The following PAX7 variants were observed in gnomAD, a reference collection of about 807,000 sequenced individuals.
The protein encoded by PAX7 is paired box protein Pax-7.
PAX7 carries 18 observed loss-of-function variants against 50.7 expected under a neutral mutation model. The observed-to-expected ratio is 0.36, with a 90% confidence interval of 0.25 to 0.53. The LOEUF is 0.53. Ranked by LOEUF, PAX7 falls within the 20% of genes least tolerant of loss-of-function variation. The pLI, the probability that PAX7 is intolerant of heterozygous loss-of-function variation, is 0.93. For missense variants in PAX7, 644 were observed against 702.9 expected (o/e 0.92, Z 0.95); for synonymous variants, 310 against 290.4 (o/e 1.07, Z -0.69).
chr1:18,661,187 C>G (rs763167709), intron 4 of PAX7, among the ~76,000 whole-genome samples: 17 of 152,064 alleles, frequency 1.1e-4, no homozygotes, highest in Non-Finnish European at 1.9e-4. Flanking sequence ...TCAGAGGCCC[C>G]CTTGCTTGGT....
At chr1:18,731,718 G>A (rs1450381015) in intron 7 of PAX7, among the ~76,000 whole-genome samples, 1 of 152,146 alleles carries the variant, frequency 6.6e-6, no homozygotes, top group Non-Finnish European at 1.5e-5. Flanking sequence ...GGCTCTGGGA[G>A]AGAGTAAGCA....
In PAX7 at chr1:18,703,095, T is replaced by C; in HGVS notation, c.954T>C (p.Asp318=). ...GACCTCTCTTGGGTCTCTCTACAGA[T>C]GGGGGCAGCACTGTGCACCGGCCTC... ...STYPTTTISQ[D]GGSTVHRPQP... Residue 318 remains aspartate (D), a splice_region_variant and synonymous_variant, in exon 7 of 9, where the codon GAT becomes GAC. Coordinates refer to ENST00000420770, the MANE Select transcript of PAX7 (RefSeq NM_001135254.2). 5 of 1,613,176 alleles carry C rather than the reference T, an allele frequency of 3.1e-6. No homozygotes were observed. The South Asian group carries it at 5.5e-5, about 18-fold the overall frequency.
At chr1:18,653,469 G>T (rs79044972) in intron 4 of PAX7, among the ~76,000 whole-genome samples, 1 of 152,094 alleles carries the variant, frequency 6.6e-6, no homozygotes, top group African/African-American at 2.4e-5. Context: ...TGTCGCTTTC[G>T]GTTGTTGGTG....
chr1:18,679,106 T>C (rs1240079208), intron 4 of PAX7, among the ~76,000 whole-genome samples: 1 of 152,180 alleles, frequency 6.6e-6, no homozygotes, highest in East Asian at 1.9e-4. Flanking sequence ...GAACGCTTCT[T>C]CTCTGTGGCC....
chr1:18,639,252 G>GT (rs1262677884), intron 4 of PAX7, among the ~76,000 whole-genome samples: 1 of 152,188 alleles, frequency 6.6e-6, no homozygotes, highest in Non-Finnish European at 1.5e-5. Context: ...TCCGCAATCA[G>GT]TTCTCACTCT....
At chr1:18,715,292 A>G (rs1342812121) in intron 7 of PAX7, among the ~76,000 whole-genome samples, 1 of 152,216 alleles carries the variant, frequency 6.6e-6, no homozygotes, top group African/African-American at 2.4e-5. Flanking sequence ...TTCCCTGTGC[A>G]GTTACCACAT....
intron 4 of PAX7, among the ~76,000 whole-genome samples, chr1:18,690,275 T>C (rs998112071): frequency 6.6e-6 from 1 of 152,022 alleles, no homozygotes; most frequent in African/African-American, 2.4e-5. Flanking sequence ...GAGAAAGAAA[T>C]GAAGGCAAAA....
chr1:18,659,382 TCCCTC>T (rs1399086429), intron 4 of PAX7, among the ~76,000 whole-genome samples: 1 of 152,108 alleles, frequency 6.6e-6, no homozygotes, highest in Admixed American at 6.5e-5. Context: ...GGCAAGGCTT[TCCCTC>T]CCCCTCCTTT....
intron 7 of PAX7, among the ~76,000 whole-genome samples, chr1:18,728,697 T>TAAAAAA (rs552854863): frequency 7.6e-6 from 1 of 131,720 alleles, no homozygotes; most frequent in Admixed American, 7.6e-5. Flanking sequence ...CCCATTCTAC[T>TAAAAAA]AAAAAAAAAA....
intron 7 of PAX7, among the ~76,000 whole-genome samples, chr1:18,707,547 A>G (rs761976484): frequency 2.0e-5 from 3 of 150,292 alleles, no homozygotes; most frequent in Non-Finnish European, 2.9e-5. Flanking sequence ...CTCAGCCTCC[A>G]GAGTAGCTGG....
At chr1:18,674,844 A>G (rs1299423955) in intron 4 of PAX7, among the ~76,000 whole-genome samples, 1 of 150,164 alleles carries the variant, frequency 6.7e-6, no homozygotes, top group Non-Finnish European at 1.5e-5. Flanking sequence ...ATTGTGAACC[A>G]CCCCCACCAA....
chr1:18,747,761 C>T lies in PAX7; in HGVS notation c.*2832C>T, dbSNP rs1177647242. 2.0e-5 allele frequency: 4 copies of T among 197,290 alleles called. No homozygotes were observed. The highest frequency in any genetic ancestry group is 1.9e-4 in the South Asian group (1 of 5,184). The allele number at this position is 197,290 out of a possible 1,614,324, so 12.2% of individuals were successfully genotyped here. A position where few individuals can be genotyped will look rare whatever the true frequency, so the allele number is the denominator to read the frequency against. On this transcript the variant is annotated 3_prime_UTR_variant, in exon 9 of 9. Coordinates refer to ENST00000420770, the MANE Select transcript of PAX7 (RefSeq NM_001135254.2). The stretch of plus-strand genomic sequence containing the variant: ...GAGTTCATTGTACAATAGTTGGAAA[C>T]GTGGTGATGTGCTGTTCGTTTATAG...
intron 7 of PAX7, among the ~76,000 whole-genome samples, chr1:18,730,456 C>T (rs982243009): frequency 2.6e-5 from 4 of 152,104 alleles, no homozygotes; most frequent in African/African-American, 9.7e-5. Context: ...TGACCCCCAC[C>T]CCTATCCTGA....
At chr1:18,660,890 C>T (rs1466824558) in intron 4 of PAX7, among the ~76,000 whole-genome samples, 1 of 152,134 alleles carries the variant, frequency 6.6e-6, no homozygotes, top group East Asian at 1.9e-4. Context: ...CTATTTCCTC[C>T]CCTTGACCCT....
chr1:18,709,194 G>GA (rs2089319016), intron 7 of PAX7, among the ~76,000 whole-genome samples: 2 of 152,096 alleles, frequency 1.3e-5, no homozygotes, highest in African/African-American at 4.8e-5. Flanking sequence ...GAGATTTTCT[G>GA]AAAATCACAC....
intron 8 of PAX7, among the ~76,000 whole-genome samples, chr1:18,743,546 T>A (rs1931258703): frequency 6.6e-6 from 1 of 152,244 alleles, no homozygotes; most frequent in Non-Finnish European, 1.5e-5. Context: ...GTTCTTTCCA[T>A]CTTCCTCTTG....
intron 4 of PAX7, among the ~76,000 whole-genome samples, chr1:18,683,364 G>C (rs1243426302): frequency 6.6e-6 from 1 of 152,122 alleles, no homozygotes; most frequent in African/African-American, 2.4e-5. Flanking sequence ...TGAACATTCA[G>C]TTGTTACCAA....
At chr1:18,657,978 C>T (rs938577379) in intron 4 of PAX7, among the ~76,000 whole-genome samples, 1 of 152,014 alleles carries the variant, frequency 6.6e-6, no homozygotes, top group Non-Finnish European at 1.5e-5. Flanking sequence ...GCCCTTTTGT[C>T]CCCCCAGGGC....
Position 18,635,226 on chromosome 1 carries a change from G to A in PAX7, c.437G>A (p.Ser146Asn). The change falls in exon 3 of 9, where the codon AGC becomes AAC. Residue 146 changes from serine to asparagine, a missense_variant. Coordinates refer to ENST00000420770, the MANE Select transcript of PAX7 (RefSeq NM_001135254.2). ...CTGAAGGATGGGCACTGTGACCGAA[G>A]CACTGTGCCCTCAGGTGAGAAGGCA... ...RLLKDGHCDR[S>N]TVPSGLVSSI... is the part of the protein sequence containing the mutation. 1.2e-6 allele frequency: 2 copies of A among 1,613,690 alleles called. No homozygotes were observed. Among genetic ancestry groups the A allele is most frequent in the Non-Finnish European group, 1.7e-6 (2 of 1,179,818 alleles).
Sources: allele counts gnomAD v4.1 joint callset (sites outside exome capture counted in the v4.1 genomes callset), GRCh38; gene constraint gnomAD v4.1.1; transcripts MANE v1.5; gene names NCBI Gene and HGNC (gene_info 2026-07-23, HGNC 2026-07-21).